The following ABHD2 variants were observed in gnomAD, a reference collection of about 807,000 sequenced individuals.
The protein encoded by ABHD2 is abhydrolase domain containing 2, acylglycerol lipase.
In ABHD2, 20 loss-of-function variants were observed where a neutral mutation model predicts 48.1. The ratio of observed to expected loss-of-function variants is 0.42; its 90% CI spans 0.29 to 0.60. The LOEUF is 0.60. Ranked by LOEUF, ABHD2 falls within the 20% of genes least tolerant of loss-of-function variation. The pLI is 0.24. For missense variants in ABHD2, 405 were observed against 550.9 expected, an observed-to-expected ratio of 0.74 and a Z score of 2.65; for synonymous variants, 209 against 214.2, an observed-to-expected ratio of 0.98 and a Z score of 0.21.
chr15:89,045,003 G>A, the ABHD2 span, among the ~76,000 whole-genome samples: 1 of 152,002 alleles, frequency 6.6e-6, no homozygotes, highest in African/African-American at 2.4e-5. Context: ...GAATGGTAAA[G>A]CCTAGGTTTT....
chr15:89,097,412 A>T lies in ABHD2; in HGVS notation c.-107+8849A>T, dbSNP rs898912940. 2.6e-5 allele frequency among the ~76,000 whole-genome samples: 4 copies of T among 152,204 alleles called. No individual in the cohort carries two copies. Among genetic ancestry groups the T allele is most frequent in the Admixed American group, 2.6e-4 (4 of 15,278 alleles). ...TCCTTTAATATCATCAAATATCATC[A>T]TTGTTCAAATTTCCAATTGTTTAAA... On this transcript the variant is annotated intron_variant, in intron 1 of 10. Coordinates refer to ENST00000352732, the MANE Select transcript of ABHD2 (RefSeq NM_152924.5). This position sits in a 1 kb window ranked among gnomAD's most constrained non-coding sequence, Gnocchi z 4.2.
Position 89,175,009 on chromosome 15 carries a change from G to T in ABHD2, c.539-803G>T, listed in dbSNP as rs1272328217. Among the ~76,000 whole-genome samples the T allele has an allele frequency of 6.6e-6, 1 of 152,098 alleles. No homozygotes were observed. Among genetic ancestry groups the T allele is most frequent in the Non-Finnish European group, 1.5e-5 (1 of 68,020 alleles). On this transcript the variant is annotated intron_variant, in intron 5 of 10. Coordinates refer to ENST00000352732, the MANE Select transcript of ABHD2 (RefSeq NM_152924.5). This position sits in a 1 kb window ranked among gnomAD's most constrained non-coding sequence, Gnocchi z 5.7. ...ACCCTGTCCCTATGTCACCAAGAACGTTTTACCCTAATCCTACAGAGCATC... is the reference window on the plus strand; with the variant it reads ...ACCCTGTCCCTATGTCACCAAGAACTTTTTACCCTAATCCTACAGAGCATC...
rs1901454827 is a variant in ABHD2 at position 89,088,526 on chromosome 15, T to G, written c.-144T>G. 1 of 152,620 alleles carries G rather than the reference T, an allele frequency of 6.6e-6. No individual in the cohort carries two copies. Among genetic ancestry groups the G allele is most frequent in the African/African-American group, 2.4e-5 (1 of 41,444 alleles). 9.5% of individuals were successfully genotyped at this position (152,620 alleles called of 1,614,324 possible). ...AGCCGGGGAGCTGCAGGAACCAGAC[T>G]GGGGGCGAGCTGAGCACCTGTAGTC... On this transcript the variant is annotated 5_prime_UTR_variant, in exon 1 of 11. Coordinates refer to ENST00000352732, the MANE Select transcript of ABHD2 (RefSeq NM_152924.5). This position sits in a 1 kb window ranked among gnomAD's most constrained non-coding sequence, Gnocchi z 6.8.
At chr15:89,150,474 G>A (rs74432923) in intron 3 of ABHD2, among the ~76,000 whole-genome samples, 1 of 152,130 alleles carries the variant, frequency 6.6e-6, no homozygotes, top group Non-Finnish European at 1.5e-5. Flanking sequence ...TGCACCTGTG[G>A]TGTTACGCTG....
chr15:89,119,230 C>G (rs917281781), intron 3 of ABHD2, among the ~76,000 whole-genome samples: 3 of 152,168 alleles, frequency 2.0e-5, no homozygotes, highest in Admixed American at 6.5e-5. Context: ...ATGATAGGAC[C>G]AGCCCTCTTA....
rs1004087276 is a variant in ABHD2 at position 89,185,814 on chromosome 15, C to T, written c.815+298C>T. On this transcript the variant is annotated intron_variant, in intron 7 of 10. Transcript: ENST00000352732. This position sits in a 1 kb window ranked among gnomAD's most constrained non-coding sequence, Gnocchi z 5.9. ...CGAAACCCCATCTCTACCAAAAATA[C>T]AAAAATTAGCTGGGCATGATGGTGC... Among the ~76,000 whole-genome samples the T allele has an allele frequency of 1.3e-5, 2 of 152,092 alleles. No homozygotes were observed. The highest frequency in any genetic ancestry group is 4.8e-5 in the African/African-American group (2 of 41,404).
At chr15:89,192,070 T>C (rs2051315440) in intron 9 of ABHD2, among the ~76,000 whole-genome samples, 1 of 152,246 alleles carries the variant, frequency 6.6e-6, no homozygotes, top group African/African-American at 2.4e-5. Context: ...GTCCCTCTCA[T>C]TCTGTCTTTG....
At chr15:89,152,425 C>T (rs553775290) in intron 4 of ABHD2, among the ~76,000 whole-genome samples, 9 of 152,232 alleles carry the variant, frequency 5.9e-5, no homozygotes, top group African/African-American at 1.4e-4. Context: ...GCTTGATGTA[C>T]GGGGATGAGG....
chr15:89,060,564 CAT>C, the ABHD2 span, among the ~76,000 whole-genome samples: 1 of 151,998 alleles, frequency 6.6e-6, no homozygotes, highest in Non-Finnish European at 1.5e-5. Context: ...AAAGACAAAA[CAT>C]AGGTCACATT....
At chr15:89,079,229 G>A in the ABHD2 span, among the ~76,000 whole-genome samples, 1 of 152,184 alleles carries the variant, frequency 6.6e-6, no homozygotes, top group Non-Finnish European at 1.5e-5. The surrounding 1 kb of genome is among the most constrained non-coding windows in gnomAD (Gnocchi z 4.3). Context: ...CCTTTCACAT[G>A]TAAAATGTAG....
At chr15:89,153,469 A>G (rs796640679) in intron 4 of ABHD2, among the ~76,000 whole-genome samples, 7 of 152,332 alleles carry the variant, frequency 4.6e-5, no homozygotes, top group African/African-American at 1.4e-4. Flanking sequence ...TTCTTCTTCT[A>G]CCACTAAAGC....
chr15:89,068,783 T>TTTTTTTTTG, the ABHD2 span, among the ~76,000 whole-genome samples: 1 of 91,818 alleles, frequency 1.1e-5, no homozygotes, highest in South Asian at 4.1e-4. Flanking sequence ...TTTTTTTTTT[T>TTTTTTTTTG]GTCAAGAGGG....
At chr15:89,081,140 C>T in the ABHD2 span, among the ~76,000 whole-genome samples, 4 of 149,306 alleles carry the variant, frequency 2.7e-5, no homozygotes, top group Non-Finnish European at 5.9e-5. Flanking sequence ...GATGGGACTA[C>T]AGGAGCACGC....
intron 3 of ABHD2, among the ~76,000 whole-genome samples, chr15:89,126,422 C>T (rs541415063): frequency 6.6e-6 from 1 of 152,268 alleles, no homozygotes; most frequent in East Asian, 1.9e-4. Context: ...CTCCACTATC[C>T]GGGAGCAGGA....
the ABHD2 span, chr15:89,069,947 T>C: frequency 6.6e-6 from 1 of 152,216 alleles, no homozygotes; most frequent in Non-Finnish European, 1.5e-5. Context: ...CCCAAAGTGC[T>C]GGGATTATAG....
At chr15:89,041,898 A>G in the ABHD2 span, among the ~76,000 whole-genome samples, 1 of 152,130 alleles carries the variant, frequency 6.6e-6, no homozygotes, top group South Asian at 2.1e-4. Context: ...CCCTACCTGG[A>G]ATCAGAGGCA....
chr15:89,131,250 A>G lies in ABHD2; in HGVS notation c.194+14729A>G, dbSNP rs148829566. Among the ~76,000 whole-genome samples, 301 of 152,296 alleles carry G rather than the reference A, an allele frequency of 2.0e-3. 2 individuals carry two copies. The highest frequency in any genetic ancestry group is 0.015 in the East Asian group (76 of 5,186). On this transcript the variant is annotated intron_variant, in intron 3 of 10. Coordinates refer to ENST00000352732, the MANE Select transcript of ABHD2 (RefSeq NM_152924.5). ...ATATTCCTTGTGTTCTAGACACATC[A>G]GATCTCTCCACATTTTCTCATACTG...
chr15:89,113,463 T>C lies in ABHD2; in HGVS notation c.-106-262T>C, dbSNP rs181867244. 9.8e-5 allele frequency among the ~76,000 whole-genome samples: 15 copies of C among 152,322 alleles called. 1 individual carries two copies. The highest frequency in any genetic ancestry group is 8.5e-4 in the Admixed American group (13 of 15,302). ...AGATAAAGGTTCAAAGCAGTGTGAA[T>C]TGGCTTTAGCCAGAATTAGGAACAC... On this transcript the variant is annotated intron_variant, in intron 1 of 10. Transcript: ENST00000352732.
At chr15:89,124,455 C>T (rs1355329994) in intron 3 of ABHD2, among the ~76,000 whole-genome samples, 1 of 152,208 alleles carries the variant, frequency 6.6e-6, no homozygotes, top group Admixed American at 6.5e-5. Context: ...ACCAGCACAG[C>T]TTATTTATTT....
Sources: gnomAD v4.1 joint callset for allele counts (sites outside exome capture counted in the v4.1 genomes callset) on GRCh38, gnomAD v4.1.1 for gene constraint, Gnocchi (gnomAD v3.1) non-coding constraint, MANE v1.5 for transcripts, NCBI Gene and HGNC (gene_info 2026-07-23, HGNC 2026-07-21) for gene names.